Variants in LYPD6 observed in about 807,000 individuals in gnomAD.
The protein encoded by LYPD6 is LY6/PLAUR domain containing 6.
LYPD6 carries 15 observed loss-of-function variants against 22.7 expected under a neutral mutation model. The ratio of observed to expected loss-of-function variants is 0.66; its 90% CI spans 0.44 to 1.02. The LOEUF (loss-of-function observed/expected upper bound fraction) is 1.02. LYPD6 is among the 50% of genes least tolerant of loss of function. The probability of loss-of-function intolerance (pLI) is 0.00; values close to 1 mark genes in which losing one functional copy is unlikely to be tolerated. For missense variants in LYPD6, 189 were observed against 208.4 expected (o/e 0.91, Z 0.57); for synonymous variants, 72 against 77.5 (o/e 0.93, Z 0.37).
intron 1 of LYPD6, among the ~76,000 whole-genome samples, chr2:149,389,582 G>A (rs1033754805): frequency 2.0e-5 from 3 of 152,190 alleles, no homozygotes; most frequent in Non-Finnish European, 4.4e-5. Context: ...TGAATCCAGG[G>A]ACGTTTTCAT....
chr2:149,468,804 C>G (rs1250587102), intron 4 of LYPD6, 29 bp downstream of exon 4: 1 of 1,609,720 alleles, frequency 6.2e-7, no homozygotes, highest in Non-Finnish European at 8.5e-7. Context: ...GTGACCAGTA[C>G]TACATAGCCA....
chr2:149,424,032 C>T (rs1157528717), intron 1 of LYPD6, among the ~76,000 whole-genome samples: 1 of 152,144 alleles, frequency 6.6e-6, no homozygotes, highest in Non-Finnish European at 1.5e-5. Flanking sequence ...AAGATGCCAT[C>T]GTCTCAAGAT....
intron 1 of LYPD6, among the ~76,000 whole-genome samples, chr2:149,386,582 A>G (rs1252706578): frequency 6.6e-6 from 1 of 152,248 alleles, no homozygotes; most frequent in African/African-American, 2.4e-5. Flanking sequence ...TGCTGAAAAC[A>G]AAGAGGTGGT....
intron 1 of LYPD6, among the ~76,000 whole-genome samples, chr2:149,416,704 C>T (rs1682971051): frequency 6.6e-6 from 1 of 152,170 alleles, no homozygotes; most frequent in Admixed American, 6.5e-5. Flanking sequence ...TACTCCTGTT[C>T]TTGGTTTTGG....
At chr2:149,426,765 T>C (rs906242813) in intron 1 of LYPD6, among the ~76,000 whole-genome samples, 3 of 151,850 alleles carry the variant, frequency 2.0e-5, no homozygotes, top group Non-Finnish European at 4.4e-5. Context: ...TTTCAGACAA[T>C]GTGGTGAGGG....
chr2:149,470,767 C>G lies in LYPD6; in HGVS notation c.433C>G (p.Pro145Ala), dbSNP rs1484005044. Residue 145 changes from proline to alanine, a missense_variant, in exon 5 of 5, where the codon CCT becomes GCT. Pro to Ala is a conservative substitution (Grantham distance 27). Transcript: ENST00000334166. ...TGATGCCACATTTGCCACGACGTCACCTATAAATCAGACAAATGGGCACCC... is the reference window on the plus strand; with the variant it reads ...TGATGCCACATTTGCCACGACGTCAGCTATAAATCAGACAAATGGGCACCC... ...ETDATFATTS[P>A]INQTNGHPRC... 4 of 1,613,764 alleles carry G rather than the reference C, an allele frequency of 2.5e-6. No individual in the cohort carries two copies. Among genetic ancestry groups the G allele is most frequent in the South Asian group, 1.1e-5 (1 of 91,056 alleles).
At chr2:149,397,907 A>G (rs1404275476) in intron 1 of LYPD6, among the ~76,000 whole-genome samples, 3 of 152,198 alleles carry the variant, frequency 2.0e-5, no homozygotes, top group Non-Finnish European at 4.4e-5. Context: ...AGAAAATATA[A>G]GACAAGAAAA....
the LYPD6 span, among the ~76,000 whole-genome samples, chr2:149,483,348 C>T: frequency 6.6e-6 from 1 of 152,240 alleles, no homozygotes; most frequent in Non-Finnish European, 1.5e-5. Context: ...TTCTGCCTCT[C>T]TGCTTCTCAC....
intron 1 of LYPD6, among the ~76,000 whole-genome samples, chr2:149,425,268 A>T (rs1045870658): frequency 2.0e-5 from 3 of 152,222 alleles, no homozygotes; most frequent in African/African-American, 4.8e-5. Context: ...TGAAGCCAGC[A>T]TTTCTTCACA....
chr2:149,460,803 T>C (rs1681071196), intron 3 of LYPD6, among the ~76,000 whole-genome samples: 1 of 151,970 alleles, frequency 6.6e-6, no homozygotes, highest in Non-Finnish European at 1.5e-5. Context: ...CACAATAGAA[T>C]TAAACTAGAG....
At chr2:149,476,179 A>G (rs1314630913), downstream of LYPD6, among the ~76,000 whole-genome samples, 1 of 152,198 alleles carries the variant, frequency 6.6e-6, no homozygotes, top group Non-Finnish European at 1.5e-5. Context: ...TGGCTGATAG[A>G]AAACAATTTA....
At chr2:149,429,553 G>GT (rs1337021894) in intron 1 of LYPD6, among the ~76,000 whole-genome samples, 1 of 152,230 alleles carries the variant, frequency 6.6e-6, no homozygotes, top group African/African-American at 2.4e-5. Context: ...GAGCTGAACT[G>GT]TAATTTCTAG....
At chr2:149,465,675 T>C (rs1681184189) in intron 3 of LYPD6, among the ~76,000 whole-genome samples, 1 of 152,208 alleles carries the variant, frequency 6.6e-6, no homozygotes, top group Non-Finnish European at 1.5e-5. Context: ...AAAAACAATA[T>C]TGGTGGGTAA....
At chr2:149,372,987 A>G (rs576395086) in intron 1 of LYPD6, among the ~76,000 whole-genome samples, 53 of 152,322 alleles carry the variant, frequency 3.5e-4, no homozygotes, top group Admixed American at 2.5e-3. Context: ...TTAGGGAGTT[A>G]CAGGATCAGA....
chr2:149,399,066 T>C (rs1417637481), intron 1 of LYPD6, among the ~76,000 whole-genome samples: 1 of 152,052 alleles, frequency 6.6e-6, no homozygotes, highest in Non-Finnish European at 1.5e-5. Flanking sequence ...TATGCAGTTA[T>C]GTAGTTGAAT....
At chr2:149,448,277 G>A (rs1037291864) in intron 2 of LYPD6, among the ~76,000 whole-genome samples, 1 of 152,078 alleles carries the variant, frequency 6.6e-6, no homozygotes, top group South Asian at 2.1e-4. Context: ...TGGGCAACGA[G>A]AGTGAAACTC....
intron 1 of LYPD6, among the ~76,000 whole-genome samples, chr2:149,434,825 T>C (rs1221745973): frequency 1.3e-5 from 2 of 152,204 alleles, no homozygotes; most frequent in South Asian, 4.1e-4. Context: ...TTTACAGTAC[T>C]CTGTGTCACC....
At chr2:149,346,055 G>A (rs1400317800) in intron 1 of LYPD6, among the ~76,000 whole-genome samples, 2 of 152,162 alleles carry the variant, frequency 1.3e-5, no homozygotes. Flanking sequence ...TTGATGAGCA[G>A]ACTCTCCCTA....
At chr2:149,427,552 A>G (rs1438968090) in intron 1 of LYPD6, among the ~76,000 whole-genome samples, 4 of 152,202 alleles carry the variant, frequency 2.6e-5, no homozygotes, top group Admixed American at 2.6e-4. Flanking sequence ...GAGAAAGCAA[A>G]CAAGCACACA....
Sources: gnomAD v4.1 joint callset for allele counts (sites outside exome capture counted in the v4.1 genomes callset) on GRCh38, gnomAD v4.1.1 for gene constraint, MANE v1.5 for transcripts, NCBI Gene and HGNC (gene_info 2026-07-23, HGNC 2026-07-21) for gene names.